Variants in ADK observed in about 807,000 individuals in gnomAD.
The protein encoded by ADK is adenosine kinase.
A neutral mutation model predicts 44.7 loss-of-function variants in ADK; 24 were observed. The ratio of observed to expected loss-of-function variants is 0.54; its 90% CI spans 0.39 to 0.76. The LOEUF is 0.76. Ranked by LOEUF, ADK falls within the 30% of genes least tolerant of loss-of-function variation. ADK has a pLI of 0.00. For missense variants in ADK, 321 were observed against 425.1 expected, an observed-to-expected ratio of 0.76 and a Z score of 2.15; for synonymous variants, 128 against 142.6, an observed-to-expected ratio of 0.90 and a Z score of 0.73.
chr10:74,203,757 G>GATT (rs141988599), intron 2 of ADK, among the ~76,000 whole-genome samples: 54,968 of 148,880 alleles, frequency 0.37, 10,637 homozygotes, highest in Middle Eastern at 0.45. Context: ...TGTTTTTCAA[G>GATT]ATTATTATTA....
chr10:74,468,959 A>C (rs559111724), intron 6 of ADK, among the ~76,000 whole-genome samples: 3 of 151,670 alleles, frequency 2.0e-5, no homozygotes, highest in Non-Finnish European at 4.4e-5. Flanking sequence ...GTGTGTGTGT[A>C]TGTGCATGTG....
chr10:74,431,747 A>G (rs1845007746), intron 6 of ADK, among the ~76,000 whole-genome samples: 1 of 151,170 alleles, frequency 6.6e-6, no homozygotes, highest in South Asian at 2.1e-4. Context: ...TCTCCAATCA[A>G]TCAATCAATC....
intron 10 of ADK, among the ~76,000 whole-genome samples, chr10:74,702,528 C>CTTCT (rs1856464139): frequency 7.4e-6 from 1 of 134,836 alleles, no homozygotes; most frequent in African/African-American, 3.0e-5. Context: ...TCCTTCTTTC[C>CTTCT]TTCCTTCCTT....
chr10:74,597,997 CT>C (rs1426622863), intron 8 of ADK, among the ~76,000 whole-genome samples: 1 of 152,084 alleles, frequency 6.6e-6, no homozygotes, highest in African/African-American at 2.4e-5. Flanking sequence ...ATCCTGTTTT[CT>C]TTAATTTTTG....
chr10:74,220,324 A>C (rs1015493879), intron 2 of ADK, among the ~76,000 whole-genome samples: 1 of 152,240 alleles, frequency 6.6e-6, no homozygotes, highest in Admixed American at 6.5e-5. Flanking sequence ...AACCAGGAAG[A>C]AGTTGAATCT....
intron 9 of ADK, among the ~76,000 whole-genome samples, chr10:74,616,068 T>C (rs1852748847): frequency 6.6e-6 from 1 of 152,158 alleles, no homozygotes; most frequent in African/African-American, 2.4e-5. Context: ...CTTTTGCCCA[T>C]ATTGAGTTGT....
At chr10:74,227,851 G>GA (rs1042621161) in intron 3 of ADK, among the ~76,000 whole-genome samples, 12 of 150,362 alleles carry the variant, frequency 8.0e-5, no homozygotes, top group South Asian at 4.2e-4. Context: ...TCAAAAAAAA[G>GA]AAAAAAAAAT....
intron 6 of ADK, among the ~76,000 whole-genome samples, chr10:74,465,552 A>G (rs933629590): frequency 6.6e-6 from 1 of 152,200 alleles, no homozygotes; most frequent in Admixed American, 6.5e-5. Flanking sequence ...GGGCAAAGAT[A>G]GAAATAGGGA....
chr10:74,635,471 C>T (rs1030212949), intron 9 of ADK, among the ~76,000 whole-genome samples: 11 of 152,188 alleles, frequency 7.2e-5, no homozygotes, highest in African/African-American at 2.4e-4. Context: ...TGGAAACAGG[C>T]CTCAAGTTAC....
chr10:74,243,979 T>A (rs956037787), intron 3 of ADK, among the ~76,000 whole-genome samples: 4 of 151,962 alleles, frequency 2.6e-5, no homozygotes, highest in African/African-American at 7.3e-5. Flanking sequence ...TAAATTTTTT[T>A]GTATTAAAAA....
chr10:74,289,651 T>G (rs1847328109), intron 3 of ADK, among the ~76,000 whole-genome samples: 1 of 152,136 alleles, frequency 6.6e-6, no homozygotes, highest in Non-Finnish European at 1.5e-5. Context: ...CTCTTATCAT[T>G]TTGTATTCCC....
At chr10:74,370,727 T>C (rs980188436) in intron 4 of ADK, among the ~76,000 whole-genome samples, 1 of 151,964 alleles carries the variant, frequency 6.6e-6, no homozygotes. Flanking sequence ...TTTTTTATTA[T>C]ATAAATTTTC....
chr10:74,517,150 T>C (rs539192430), intron 6 of ADK, among the ~76,000 whole-genome samples: 1 of 152,188 alleles, frequency 6.6e-6, no homozygotes, highest in Admixed American at 6.5e-5. Context: ...AGCCAAACCA[T>C]ATCAGTGTGC....
intron 4 of ADK, among the ~76,000 whole-genome samples, chr10:74,378,594 G>T (rs371183368): frequency 7.2e-5 from 11 of 152,100 alleles, no homozygotes. Flanking sequence ...TACTTATGAT[G>T]CCAGGTTCCA....
chr10:74,702,741 A>G (rs1856479354), intron 10 of ADK, among the ~76,000 whole-genome samples: 1 of 151,510 alleles, frequency 6.6e-6, no homozygotes. Context: ...TGGGATTACA[A>G]GCAAGTGCCA....
chr10:74,504,422 T>C (rs1183259995), intron 6 of ADK, among the ~76,000 whole-genome samples: 1 of 152,064 alleles, frequency 6.6e-6, no homozygotes, highest in Non-Finnish European at 1.5e-5. Context: ...TAGTTGAAAA[T>C]CCATGTATAA....
intron 4 of ADK, among the ~76,000 whole-genome samples, chr10:74,323,731 C>T (rs1210518855): frequency 2.6e-5 from 4 of 152,028 alleles, no homozygotes; most frequent in African/African-American, 7.2e-5. Context: ...CCACTGCACC[C>T]GGCTAATTTT....
intron 7 of ADK, among the ~76,000 whole-genome samples, chr10:74,585,142 T>C (rs1851489277): frequency 6.6e-6 from 1 of 152,228 alleles, no homozygotes; most frequent in Non-Finnish European, 1.5e-5. Context: ...TTCATTAATC[T>C]GATTAACATA....
chr10:74,431,408 G>A (rs1844995070), intron 6 of ADK, among the ~76,000 whole-genome samples: 1 of 152,166 alleles, frequency 6.6e-6, no homozygotes, highest in Non-Finnish European at 1.5e-5. Context: ...AATGGCGACT[G>A]CAGAATCAGG....
Sources: allele counts gnomAD v4.1 joint callset (sites outside exome capture counted in the v4.1 genomes callset), GRCh38; gene constraint gnomAD v4.1.1; transcripts MANE v1.5; gene names NCBI Gene and HGNC (gene_info 2026-07-23, HGNC 2026-07-21).